The following ALK variants were observed in gnomAD, a reference collection of about 807,000 sequenced individuals.
The protein encoded by ALK is ALK tyrosine kinase receptor.
A neutral mutation model predicts 163.1 loss-of-function variants in ALK; 74 were observed. The ratio of observed to expected loss-of-function variants is 0.45; its 90% CI spans 0.38 to 0.55. The LOEUF is 0.55. Among genes scored for constraint, ALK ranks in the 20% least tolerant of loss-of-function variants. The pLI is 0.00. For missense variants in ALK, 2,063 were observed against 2,105.3 expected (o/e 0.98, Z 0.39); for synonymous variants, 960 against 843.2 (o/e 1.14, Z -2.40).
chr2:29,774,219 G>A (rs1433401788), intron 1 of ALK, among the ~76,000 whole-genome samples: 1 of 152,112 alleles, frequency 6.6e-6, no homozygotes, highest in African/African-American at 2.4e-5. Context: ...CTGTTGCTTT[G>A]AAACTCCCTG....
At chr2:29,486,518 TAA>T (rs1671780077) in intron 4 of ALK, among the ~76,000 whole-genome samples, 7 of 152,358 alleles carry the variant, frequency 4.6e-5, no homozygotes, top group African/African-American at 1.7e-4. Flanking sequence ...GTGTTGCACA[TAA>T]AGTCAGCACA....
chr2:29,440,595 G>A (rs1281810206), intron 4 of ALK, among the ~76,000 whole-genome samples: 5 of 152,178 alleles, frequency 3.3e-5, no homozygotes, highest in Non-Finnish European at 7.3e-5. Context: ...GGGATTACAG[G>A]CATAAGCCAC....
At chr2:29,871,694 G>C (rs1375134942) in intron 1 of ALK, among the ~76,000 whole-genome samples, 2 of 152,092 alleles carry the variant, frequency 1.3e-5, no homozygotes, top group Admixed American at 1.3e-4. Flanking sequence ...TATCACATGA[G>C]TCCCCTCCCC....
chr2:29,652,856 C>G (rs1266233480), intron 3 of ALK, among the ~76,000 whole-genome samples: 3 of 152,160 alleles, frequency 2.0e-5, no homozygotes, highest in Admixed American at 2.0e-4. Flanking sequence ...CCCTACACAT[C>G]TTGTCATCTA....
intron 1 of ALK, among the ~76,000 whole-genome samples, chr2:29,728,459 G>A: frequency 6.6e-6 from 1 of 152,250 alleles, no homozygotes; most frequent in Non-Finnish European, 1.5e-5. Flanking sequence ...CCAGGCTGAG[G>A]AGCTTAGAGT....
At chr2:29,856,770 G>A (rs1165581484) in intron 1 of ALK, among the ~76,000 whole-genome samples, 1 of 152,166 alleles carries the variant, frequency 6.6e-6, no homozygotes, top group Non-Finnish European at 1.5e-5. Flanking sequence ...GAAAAGAAAC[G>A]GATCCTGTGT....
At chr2:29,717,819 A>G in intron 1 of ALK, 122 bp from the exon 2 acceptor site, 2 of 1,368,560 alleles carry the variant, frequency 1.5e-6, no homozygotes, top group Non-Finnish European at 2.1e-6. Flanking sequence ...CGGGAAGATG[A>G]GGGGGAAAAA....
intron 4 of ALK, among the ~76,000 whole-genome samples, chr2:29,409,315 T>C (rs1669670942): frequency 6.6e-6 from 1 of 152,154 alleles, no homozygotes; most frequent in African/African-American, 2.4e-5. Flanking sequence ...TCTTTGACCT[T>C]CCTTTTTCTC....
At chr2:29,904,386 C>A (rs1264918352) in intron 1 of ALK, among the ~76,000 whole-genome samples, 2 of 152,066 alleles carry the variant, frequency 1.3e-5, no homozygotes, top group African/African-American at 4.8e-5. Context: ...TATATTGTGA[C>A]CCTCATTTAT....
intron 1 of ALK, among the ~76,000 whole-genome samples, chr2:29,911,233 G>A (rs892174757): frequency 6.6e-6 from 1 of 152,224 alleles, no homozygotes; most frequent in African/African-American, 2.4e-5. Flanking sequence ...TTATGATTCA[G>A]TGAGTGCAGA....
At chr2:29,540,682 T>G (rs1673391240) in intron 3 of ALK, among the ~76,000 whole-genome samples, 1 of 151,932 alleles carries the variant, frequency 6.6e-6, no homozygotes, top group Non-Finnish European at 1.5e-5. Context: ...TATTATTTTC[T>G]CACAATGTAG....
rs922244443 is a variant in ALK at position 29,523,869 on chromosome 2, T to C, written c.1154+8046A>G. ...GGCAGAAGCTGAAGGTTTTTTTTTT[T>C]TTTTTTTTTTTTTTTTTTTTTTATG... On this transcript the variant is annotated intron_variant, in intron 4 of 28. Coordinates refer to ENST00000389048, the MANE Select transcript of ALK (RefSeq NM_004304.5). 3.3e-3 allele frequency among the ~76,000 whole-genome samples: 457 copies of C among 139,438 alleles called. 60 individuals are homozygous for C. The highest frequency in any genetic ancestry group is 8.6e-3 in the East Asian group (41 of 4,754). The allele number at this position is 139,438 out of a possible 152,430, so 91.5% of individuals were successfully genotyped here.
chr2:29,280,948 G>A (rs1002463114), intron 9 of ALK, among the ~76,000 whole-genome samples: 3 of 151,492 alleles, frequency 2.0e-5, no homozygotes, highest in African/African-American at 7.3e-5. Flanking sequence ...GTTCTGGTAT[G>A]TACCAGGTGA....
intron 1 of ALK, among the ~76,000 whole-genome samples, chr2:29,815,100 T>C (rs528532254): frequency 6.6e-6 from 1 of 150,418 alleles, no homozygotes; most frequent in South Asian, 2.2e-4. Context: ...TTGCAAGGTA[T>C]GTCTGGAACC....
chr2:29,195,930 G>A (rs558645107), intron 28 of ALK, among the ~76,000 whole-genome samples: 43 of 152,296 alleles, frequency 2.8e-4, no homozygotes, highest in East Asian at 2.5e-3. Flanking sequence ...GAGGAGAGAC[G>A]GGAAGGCAGG....
At chr2:29,634,104 A>G (rs1298359801) in intron 3 of ALK, among the ~76,000 whole-genome samples, 3 of 139,992 alleles carry the variant, frequency 2.1e-5, no homozygotes, top group Non-Finnish European at 1.6e-5. Flanking sequence ...TCATGAAAGG[A>G]TGACTGGTGC....
intron 3 of ALK, among the ~76,000 whole-genome samples, chr2:29,563,823 A>G (rs949812161): frequency 6.6e-6 from 1 of 152,224 alleles, no homozygotes; most frequent in Non-Finnish European, 1.5e-5. Context: ...TCAAAGAGAT[A>G]AGGAGCATAC....
At chr2:29,473,310 C>T (rs1177097627) in intron 4 of ALK, among the ~76,000 whole-genome samples, 1 of 151,944 alleles carries the variant, frequency 6.6e-6, no homozygotes, top group African/African-American at 2.4e-5. Flanking sequence ...CTACTTAATG[C>T]TAAATGAATT....
intron 4 of ALK, among the ~76,000 whole-genome samples, chr2:29,391,297 C>CT (rs1553310349): frequency 0.011 from 517 of 45,798 alleles, 9 homozygotes; most frequent in African/African-American, 0.031. Context: ...TTCCTAGCCT[C>CT]TTTTTTTTGG....
Sources: allele counts gnomAD v4.1 joint callset (sites outside exome capture counted in the v4.1 genomes callset), GRCh38; gene constraint gnomAD v4.1.1; transcripts MANE v1.5; gene names NCBI Gene and HGNC (gene_info 2026-07-23, HGNC 2026-07-21).